Variants in IGF1R observed in about 807,000 individuals in gnomAD.
The protein encoded by IGF1R is insulin like growth factor 1 receptor, also known as insulin-like growth factor 1 receptor.
Under a neutral mutation model 144.6 loss-of-function variants are expected in IGF1R, and 44 were observed. The ratio of observed to expected loss-of-function variants is 0.30; its 90% CI spans 0.24 to 0.39. IGF1R has a LOEUF of 0.39. Among genes scored for constraint, IGF1R ranks in the 10% least tolerant of loss-of-function variants. The probability of loss-of-function intolerance (pLI) is 1.00; values close to 1 mark genes in which losing one functional copy is unlikely to be tolerated. For missense variants in IGF1R, 1,355 were observed against 1,833.7 expected (o/e 0.74, Z 4.77); for synonymous variants, 795 against 722.8 (o/e 1.10, Z -1.60).
rs2229765 is a variant in IGF1R at position 98,934,996 on chromosome 15, G to A, written c.3129G>A (p.Glu1043=). The A allele has an allele frequency of 0.43, 692,155 of 1,613,534 alleles. 151,538 individuals are homozygous for A. The highest frequency in any genetic ancestry group is 0.46 in the Non-Finnish European group (537,509 of 1,179,644). Residue 1043 remains glutamate, a synonymous_variant, in exon 16 of 21, where the codon GAG becomes GAA. Transcript: ENST00000650285. ...KTVNEAASMR[E]RIEFLNEASV... is the part of the protein sequence containing the mutation. ...TGAACGAGGCCGCAAGCATGCGTGA[G>A]AGGATTGAGTTTCTCAACGAAGCTT...
chr15:98,684,412 GGGGGTGT>G lies in IGF1R; in HGVS notation c.95-23146_95-23140del, dbSNP rs1425921514. Reference sequence around the variant, plus strand: ...TTTATGCTTGCTAATGGGGGAGGTGGGGGGTGTGGGCGGATGAATATAAATGATACCT... The same window carrying G: ...TTTATGCTTGCTAATGGGGGAGGTGGGGGCGGATGAATATAAATGATACCT... On this transcript the variant is annotated intron_variant, in intron 1 of 20. Transcript: ENST00000650285. 7.9e-5 allele frequency among the ~76,000 whole-genome samples: 12 copies of G among 151,502 alleles called. No individual in the cohort carries two copies. In the East Asian group the frequency reaches 1.7e-3, roughly 22 times the overall value.
Position 98,857,971 on chromosome 15 carries a change from C to T in IGF1R, c.641-33354C>T, listed in dbSNP as rs576308800. On this transcript the variant is annotated intron_variant, in intron 2 of 20. Transcript: ENST00000650285. ...GTCTAATTGTACACATTTCCTGGAG[C>T]TGTTGGTGTTGATTATTAGCAAATA... Among the ~76,000 whole-genome samples the T allele has an allele frequency of 6.6e-5, 10 of 152,298 alleles. No individual in the cohort carries two copies. The South Asian group carries it at 2.1e-3, about 32-fold the overall frequency.
rs1324115114 is a variant in IGF1R at position 98,891,538 on chromosome 15, T to C, written c.854T>C (p.Ile285Thr). 1.2e-6 allele frequency: 2 copies of C among 1,612,300 alleles called. No homozygotes were observed. Among genetic ancestry groups the C allele is most frequent in the Admixed American group, 3.3e-5 (2 of 60,024 alleles). ...RCVDRDFCAN[I>T]LSAESSDSEG... is the part of the protein sequence containing the mutation. ...GTGGACCGTGACTTCTGCGCCAACA[T>C]CCTCAGCGCCGAGAGCAGCGACTCC... Residue 285 changes from isoleucine (I) to threonine (T), a missense_variant, in exon 3 of 21, where the codon ATC becomes ACC. Around this residue, in one of 7 missense-constraint regions of IGF1R, gnomAD observed 880 missense variants for 1,202.7 expected, o/e 0.73. Transcript: ENST00000650285. This position sits in a 1 kb window ranked among gnomAD's most constrained non-coding sequence, Gnocchi z 4.7.
chr15:98,836,394 G>C (rs934188575), intron 2 of IGF1R, among the ~76,000 whole-genome samples: 18 of 151,894 alleles, frequency 1.2e-4, no homozygotes, highest in African/African-American at 4.4e-4. Context: ...GTGGCACGTG[G>C]CTGTAGTCTC....
At position 98,961,680 on chromosome 15, in the gene IGF1R, C is replaced by T; in HGVS notation, c.*4238C>T. On this transcript the variant is annotated 3_prime_UTR_variant, in exon 21 of 21. Transcript: ENST00000650285. ...TGATGTGAGCATTAAGACGTTCTCC[C>T]ACACAGCCCTTCCCTGAGGCAGCAG... 1 of 233,736 alleles carries T rather than the reference C, an allele frequency of 4.3e-6. No homozygotes were observed. The highest frequency in any genetic ancestry group is 6.0e-5 in the East Asian group (1 of 16,592). The allele number at this position is 233,736 out of a possible 1,614,324, so 14.5% of individuals were successfully genotyped here.
intron 2 of IGF1R, among the ~76,000 whole-genome samples, chr15:98,765,997 A>T (rs1215724005): frequency 6.6e-6 from 1 of 152,144 alleles, no homozygotes; most frequent in Non-Finnish European, 1.5e-5. Flanking sequence ...TTACCAAGGT[A>T]CCGTGGGGAC....
chr15:98,917,887 G>A (rs1267100968), intron 10 of IGF1R, among the ~76,000 whole-genome samples: 1 of 152,224 alleles, frequency 6.6e-6, no homozygotes, highest in Non-Finnish European at 1.5e-5. Context: ...TCTATTTGGA[G>A]TGATGAAAAT....
intron 1 of IGF1R, among the ~76,000 whole-genome samples, chr15:98,678,523 G>A (rs865846826): frequency 6.6e-6 from 1 of 150,614 alleles, no homozygotes; most frequent in Non-Finnish European, 1.5e-5. Flanking sequence ...AATAGTTTTT[G>A]TTGTGTTTCT....
intron 1 of IGF1R, among the ~76,000 whole-genome samples, chr15:98,662,166 A>T (rs143615446): frequency 6.6e-6 from 1 of 150,780 alleles, no homozygotes; most frequent in Non-Finnish European, 1.5e-5. Context: ...TTTCTAGTAG[A>T]GACGGGGTTT....
chr15:98,843,362 G>C (rs952129456), intron 2 of IGF1R, among the ~76,000 whole-genome samples: 1 of 152,090 alleles, frequency 6.6e-6, no homozygotes, highest in Non-Finnish European at 1.5e-5. Context: ...GCTGTCAACT[G>C]ACAGATACTG....
intron 2 of IGF1R, among the ~76,000 whole-genome samples, chr15:98,845,331 C>T (rs987604474): frequency 6.6e-6 from 1 of 151,918 alleles, no homozygotes; most frequent in African/African-American, 2.4e-5. Flanking sequence ...CTGAGTCAGT[C>T]GGGCTGTGTC....
intron 2 of IGF1R, among the ~76,000 whole-genome samples, chr15:98,852,095 G>C (rs2011551088): frequency 6.6e-6 from 1 of 152,224 alleles, no homozygotes; most frequent in South Asian, 2.1e-4. Context: ...CATTCTCTTT[G>C]GAGACTTTCT....
chr15:98,956,627 T>A (rs376702255), intron 20 of IGF1R, among the ~76,000 whole-genome samples: 1 of 152,122 alleles, frequency 6.6e-6, no homozygotes, highest in Admixed American at 6.5e-5. Flanking sequence ...CGGTCACTCA[T>A]CAGCCTTCCT....
At position 98,710,959 on chromosome 15, in the gene IGF1R, C is replaced by T. The variant is rs377518313; in HGVS notation, c.640+2852C>T. On this transcript the variant is annotated intron_variant, in intron 2 of 20. Coordinates refer to ENST00000650285, the MANE Select transcript of IGF1R (RefSeq NM_000875.5). ...TGTTAGGATTACAGGTGTGAGCCACCATGCCCGACTCTTTTTAATTCTTAA... is the reference window on the plus strand; with the variant it reads ...TGTTAGGATTACAGGTGTGAGCCACTATGCCCGACTCTTTTTAATTCTTAA... Among the ~76,000 whole-genome samples, 17 of 152,182 alleles carry T rather than the reference C, an allele frequency of 1.1e-4. No individual in the cohort carries two copies. In the East Asian group the frequency reaches 3.1e-3, roughly 28 times the overall value.
chr15:98,764,356 T>C (rs1022992300), intron 2 of IGF1R, among the ~76,000 whole-genome samples: 1 of 152,236 alleles, frequency 6.6e-6, no homozygotes, highest in African/African-American at 2.4e-5. Context: ...TTTGTTACAC[T>C]AGTTTTATCA....
At chr15:98,685,892 A>G (rs1236548129) in intron 1 of IGF1R, among the ~76,000 whole-genome samples, 2 of 152,242 alleles carry the variant, frequency 1.3e-5, no homozygotes, top group Admixed American at 1.3e-4. Context: ...GACAGCAGCT[A>G]TTGAGGCTAC....
At chr15:98,711,977 CT>C (rs2054003743) in intron 2 of IGF1R, among the ~76,000 whole-genome samples, 1 of 152,056 alleles carries the variant, frequency 6.6e-6, no homozygotes, top group Non-Finnish European at 1.5e-5. Flanking sequence ...TTTCTGGCGT[CT>C]TTTTTATAAG....
intron 2 of IGF1R, among the ~76,000 whole-genome samples, chr15:98,810,980 G>A (rs1480821895): frequency 6.6e-6 from 1 of 151,982 alleles, no homozygotes; most frequent in Non-Finnish European, 1.5e-5. Context: ...CTTTCATATT[G>A]TCTGTAGACA....
Position 98,899,783 on chromosome 15 carries a change from C to T in IGF1R, c.1247+162C>T, listed in dbSNP as rs1479891505. Among the ~76,000 whole-genome samples the T allele has an allele frequency of 2.0e-5, 3 of 152,166 alleles. No homozygotes were observed. In the East Asian group the frequency reaches 5.8e-4, roughly 29 times the overall value. ...TGCTCGAGTAGGTCTTGGGTGGAGT[C>T]ATGGTTCTCCATTCTTAGGAGGTTG... On this transcript the variant is annotated intron_variant, in intron 5 of 20. Transcript: ENST00000650285.
Sources: gnomAD v4.1 joint callset for allele counts (sites outside exome capture counted in the v4.1 genomes callset) on GRCh38, gnomAD v4.1.1 for gene constraint, gnomAD v4.1.1 regional missense constraint, Gnocchi (gnomAD v3.1) non-coding constraint, MANE v1.5 for transcripts, NCBI Gene and HGNC (gene_info 2026-07-23, HGNC 2026-07-21) for gene names.